The following LINGO2 variants were observed in gnomAD, a reference collection of about 807,000 sequenced individuals.
LINGO2 encodes leucine-rich repeat and immunoglobulin-like domain-containing nogo receptor-interacting protein 2.
LINGO2 carries 14 observed loss-of-function variants against 30.6 expected under a neutral mutation model. That is an observed-to-expected ratio of 0.46 (90% CI 0.30 to 0.72). The LOEUF is 0.72. Ranked by LOEUF, LINGO2 falls within the 30% of genes least tolerant of loss-of-function variation. LINGO2 has a pLI of 0.07. For missense variants in LINGO2, 729 were observed against 751.7 expected, an observed-to-expected ratio of 0.97 and a Z score of 0.35; for synonymous variants, 317 against 288.5, an observed-to-expected ratio of 1.10 and a Z score of -1.00.
intron 4 of LINGO2, among the ~76,000 whole-genome samples, chr9:28,262,244 C>T (rs1300952171): frequency 1.4e-5 from 2 of 147,702 alleles, no homozygotes; most frequent in Admixed American, 1.4e-4. Flanking sequence ...AAGTACTTGA[C>T]ACCTACTAGT....
intron 4 of LINGO2, among the ~76,000 whole-genome samples, chr9:28,032,671 G>T (rs957492322): frequency 6.6e-6 from 1 of 152,202 alleles, no homozygotes; most frequent in Non-Finnish European, 1.5e-5. Context: ...CCCAGAACTA[G>T]TTGGCGACAG....
chr9:27,952,490 G>GA (rs1179469102), intron 5 of LINGO2, among the ~76,000 whole-genome samples: 4 of 151,644 alleles, frequency 2.6e-5, no homozygotes, highest in Non-Finnish European at 5.9e-5. Flanking sequence ...AAAATAATCA[G>GA]AAACAGTAAA....
intron 1 of LINGO2, among the ~76,000 whole-genome samples, chr9:28,638,333 T>C (rs553254676): frequency 6.6e-6 from 1 of 152,324 alleles, no homozygotes; most frequent in African/African-American, 2.4e-5. Context: ...GCTGGCCTCA[T>C]AAAATGAGTT....
At chr9:28,631,368 C>A (rs897792033) in intron 1 of LINGO2, among the ~76,000 whole-genome samples, 1 of 141,482 alleles carries the variant, frequency 7.1e-6, no homozygotes, top group Non-Finnish European at 1.5e-5. Context: ...TCCATGTGTT[C>A]TATGGTTTTA....
chr9:28,278,463 G>A (rs1437368999), intron 4 of LINGO2, among the ~76,000 whole-genome samples: 2 of 152,184 alleles, frequency 1.3e-5, no homozygotes, highest in Non-Finnish European at 2.9e-5. Context: ...AGGGGCTAAT[G>A]CAGCTGGTGA....
intron 2 of LINGO2, among the ~76,000 whole-genome samples, chr9:28,460,287 G>A (rs532349259): frequency 6.6e-6 from 1 of 152,200 alleles, no homozygotes; most frequent in South Asian, 2.1e-4. Context: ...TTAAATCTCA[G>A]AGTCCTTTTA....
chr9:28,550,887 C>T (rs1239966017), intron 1 of LINGO2, among the ~76,000 whole-genome samples: 2 of 151,746 alleles, frequency 1.3e-5, no homozygotes, highest in Admixed American at 1.3e-4. Flanking sequence ...TTTTGGATTA[C>T]ATATTCCTAT....
intron 1 of LINGO2, among the ~76,000 whole-genome samples, chr9:28,485,145 C>T (rs1341888341): frequency 6.6e-6 from 1 of 152,102 alleles, no homozygotes; most frequent in Non-Finnish European, 1.5e-5. Context: ...TGTCAGAAAT[C>T]ATTCTAAAAT....
chr9:29,123,354 A>G, the LINGO2 span, among the ~76,000 whole-genome samples: 1 of 152,132 alleles, frequency 6.6e-6, no homozygotes, highest in Non-Finnish European at 1.5e-5. Context: ...TGTATAGACA[A>G]AAGAACACTC....
intron 3 of LINGO2, among the ~76,000 whole-genome samples, chr9:28,365,058 C>T (rs921683493): frequency 2.0e-5 from 3 of 152,110 alleles, no homozygotes; most frequent in African/African-American, 7.2e-5. Context: ...CTATAATAGA[C>T]ATATGAGCAA....
intron 4 of LINGO2, among the ~76,000 whole-genome samples, chr9:28,233,079 T>G (rs1821429605): frequency 7.4e-6 from 1 of 135,768 alleles, no homozygotes; most frequent in African/African-American, 2.9e-5. Flanking sequence ...ATAATAGATA[T>G]ACAGTAAACA....
At chr9:28,167,589 G>A (rs746136370) in intron 4 of LINGO2, among the ~76,000 whole-genome samples, 10 of 152,278 alleles carry the variant, frequency 6.6e-5, no homozygotes, top group South Asian at 2.1e-4. Flanking sequence ...GTTTTGCCAC[G>A]TTGGCCAGGC....
rs370400272 is a variant in LINGO2, at chr9:28,557,573, G to T, written c.-364-81548C>A. ...GCGACTGTAAACTAGTTCAACCATT[G>T]TGGAAGTCAGTGTGGCGATTCCTCA... On this transcript the variant is annotated intron_variant, in intron 1 of 5. Coordinates refer to ENST00000379992, the Ensembl canonical transcript of LINGO2. Among the ~76,000 whole-genome samples, 720 of 152,100 alleles carry T rather than the reference G, an allele frequency of 4.7e-3. 2 individuals are homozygous for T. The highest frequency in any genetic ancestry group is 6.4e-3 in the Non-Finnish European group (437 of 67,984).
the LINGO2 span, among the ~76,000 whole-genome samples, chr9:29,090,410 C>A: frequency 6.6e-6 from 1 of 151,934 alleles, no homozygotes; most frequent in African/African-American, 2.4e-5. Context: ...TCTGAGCAAC[C>A]GTCATTTAGT....
At chr9:28,855,116 G>A in the LINGO2 span, among the ~76,000 whole-genome samples, 1 of 151,842 alleles carries the variant, frequency 6.6e-6, no homozygotes, top group East Asian at 1.9e-4. Flanking sequence ...ATTGATAAAC[G>A]GGTTCTTTAG....
In LINGO2 at chr9:28,261,824, TG is replaced by T. The variant is rs544441995; in HGVS notation, c.-87+33383del. On this transcript the variant is annotated intron_variant, in intron 4 of 5. Transcript: ENST00000379992. Reference sequence around the variant, plus strand: ...TTCATATGTTAAGCTGTCATAACAGTGGGTTTTGTTATAAGATATTGTAAAT... The same window carrying T: ...TTCATATGTTAAGCTGTCATAACAGTGGTTTTGTTATAAGATATTGTAAAT... 3.8e-3 allele frequency among the ~76,000 whole-genome samples: 584 copies of T among 152,000 alleles called. 7 individuals are homozygous for T. The highest frequency in any genetic ancestry group is 5.7e-3 in the Non-Finnish European group (387 of 67,864).
chr9:29,092,773 T>A, the LINGO2 span, among the ~76,000 whole-genome samples: 2 of 137,200 alleles, frequency 1.5e-5, 1 homozygote, highest in Non-Finnish European at 3.2e-5. Flanking sequence ...TATTTAATAG[T>A]GGCACAGGCA....
At position 28,616,136 on chromosome 9, in the gene LINGO2, C is replaced by A. The variant is rs570110915; in HGVS notation, c.-365+54064G>T. The stretch of plus-strand genomic sequence containing the variant: ...AAGCTGTACATTAATGATTTGTGTA[C>A]TTTTCCAGGTATATGCTATACCGTA... On this transcript the variant is annotated intron_variant, in intron 1 of 5. Coordinates refer to ENST00000379992, the Ensembl canonical transcript of LINGO2. Among the ~76,000 whole-genome samples, 14 of 152,168 alleles carry A rather than the reference C, an allele frequency of 9.2e-5. No homozygotes were observed. The East Asian group carries it at 2.3e-3, about 25-fold the overall frequency.
chr9:28,730,339 A>C, the LINGO2 span, among the ~76,000 whole-genome samples: 1 of 152,184 alleles, frequency 6.6e-6, no homozygotes, highest in Non-Finnish European at 1.5e-5. Context: ...GCTGTCATTG[A>C]TAAAATCCTC....
Sources: gnomAD v4.1 joint callset for allele counts (sites outside exome capture counted in the v4.1 genomes callset) on GRCh38, gnomAD v4.1.1 for gene constraint, MANE v1.5 for transcripts, NCBI Gene and HGNC (gene_info 2026-07-23, HGNC 2026-07-21) for gene names.